Variants in GPC5 observed in about 807,000 individuals in gnomAD.
GPC5 encodes the protein glypican 5.
A neutral mutation model predicts 53.9 loss-of-function variants in GPC5; 47 were observed. The ratio of observed to expected loss-of-function variants is 0.87; its 90% CI spans 0.69 to 1.11. The LOEUF (loss-of-function observed/expected upper bound fraction) is 1.11. Among genes scored for constraint, GPC5 ranks in the 50% most tolerant of loss-of-function variants. GPC5 has a pLI of 0.00. For synonymous variants in GPC5, 286 were observed against 263.3 expected (o/e 1.09, Z -0.84); for missense variants, 748 against 713.1 (o/e 1.05, Z -0.56).
At chr13:92,623,146 A>T (rs868655589) in intron 7 of GPC5, among the ~76,000 whole-genome samples, 55 of 151,824 alleles carry the variant, frequency 3.6e-4, no homozygotes, top group African/African-American at 1.2e-3. Context: ...AGCCTGGGTG[A>T]CAGAGTGAGA....
intron 7 of GPC5, among the ~76,000 whole-genome samples, chr13:92,857,692 G>A (rs975664092): frequency 2.0e-5 from 3 of 151,798 alleles, no homozygotes; most frequent in Non-Finnish European, 4.4e-5. Context: ...AGAAAACACA[G>A]AAGCAACCAA....
chr13:92,552,981 A>T (rs1465915419), intron 7 of GPC5, among the ~76,000 whole-genome samples: 4 of 151,882 alleles, frequency 2.6e-5, no homozygotes, highest in Non-Finnish European at 4.4e-5. Flanking sequence ...GGCTTTATTT[A>T]TGACTGTTTT....
chr13:92,428,683 G>T (rs539537356), intron 7 of GPC5, among the ~76,000 whole-genome samples: 21 of 152,130 alleles, frequency 1.4e-4, no homozygotes, highest in African/African-American at 4.3e-4. Context: ...GTGCCCAAAG[G>T]TTTGTGATTT....
chr13:91,414,008 C>T (rs937369551), intron 1 of GPC5, among the ~76,000 whole-genome samples: 8 of 152,266 alleles, frequency 5.3e-5, no homozygotes, highest in South Asian at 2.1e-4. Flanking sequence ...GTCATGATAG[C>T]GTATTGGTTT....
At chr13:91,955,884 T>G (rs182721175) in intron 6 of GPC5, among the ~76,000 whole-genome samples, 1 of 152,318 alleles carries the variant, frequency 6.6e-6, no homozygotes, top group East Asian at 1.9e-4. Context: ...CAGTTGCAGC[T>G]GGTTACTACC....
chr13:91,835,664 C>T (rs1395148623), intron 5 of GPC5, among the ~76,000 whole-genome samples: 2 of 150,918 alleles, frequency 1.3e-5, no homozygotes, highest in Admixed American at 6.6e-5. Context: ...TGTTCTCACT[C>T]ATAAGTGGGA....
intron 7 of GPC5, among the ~76,000 whole-genome samples, chr13:92,242,719 G>A (rs2139117946): frequency 1.3e-5 from 2 of 152,160 alleles, no homozygotes; most frequent in East Asian, 3.9e-4. Context: ...TCATGCGTAG[G>A]AGACAAAGCC....
chr13:92,098,281 T>C (rs118141955), intron 6 of GPC5, among the ~76,000 whole-genome samples: 6,396 of 152,240 alleles, frequency 0.042, 154 homozygotes, highest in Middle Eastern at 0.058. Flanking sequence ...TGTTACTGCG[T>C]TAGTTTGTTA....
chr13:91,431,242 GAC>G (rs1879424021), intron 1 of GPC5, among the ~76,000 whole-genome samples: 1 of 152,024 alleles, frequency 6.6e-6, no homozygotes, highest in African/African-American at 2.4e-5. Context: ...ATTGAGATGG[GAC>G]AGTTTTGAGT....
At chr13:91,909,927 T>G (rs1427118736) in intron 6 of GPC5, among the ~76,000 whole-genome samples, 1 of 152,134 alleles carries the variant, frequency 6.6e-6, no homozygotes, top group Non-Finnish European at 1.5e-5. Flanking sequence ...TTAGCTTCTG[T>G]GTGAACTCGA....
intron 7 of GPC5, among the ~76,000 whole-genome samples, chr13:92,797,816 G>GGATGATAGATA (rs1204396450): frequency 6.6e-5 from 9 of 136,358 alleles, no homozygotes; most frequent in Admixed American, 4.9e-4. Context: ...GATATTCAAG[G>GGATGATAGATA]GATGATAGAT....
At chr13:92,579,259 C>G (rs1469590584) in intron 7 of GPC5, among the ~76,000 whole-genome samples, 2 of 39,642 alleles carry the variant, frequency 5.0e-5, no homozygotes, top group African/African-American at 3.0e-4. Flanking sequence ...CCCTCCCTCC[C>G]TCCCTCCCTC....
intron 2 of GPC5, among the ~76,000 whole-genome samples, chr13:91,476,105 C>G (rs906782687): frequency 1.3e-5 from 2 of 152,144 alleles, no homozygotes; most frequent in African/African-American, 4.8e-5. Flanking sequence ...ACACTGGGAC[C>G]AGGTAATTAT....
At chr13:92,816,241 A>G (rs893048617) in intron 7 of GPC5, among the ~76,000 whole-genome samples, 1 of 152,072 alleles carries the variant, frequency 6.6e-6, no homozygotes, top group African/African-American at 2.4e-5. Flanking sequence ...AAGTAAAGTG[A>G]CAATTAGAAG....
chr13:92,432,517 G>A (rs1478490357), intron 7 of GPC5, among the ~76,000 whole-genome samples: 1 of 150,586 alleles, frequency 6.6e-6, no homozygotes, highest in African/African-American at 2.4e-5. Flanking sequence ...GATCATCACA[G>A]GCACCCACCA....
intron 7 of GPC5, among the ~76,000 whole-genome samples, chr13:92,696,301 A>C (rs1180528627): frequency 6.6e-6 from 1 of 150,576 alleles, no homozygotes; most frequent in Non-Finnish European, 1.5e-5. Flanking sequence ...GCAATAATTT[A>C]CACTCCCACT....
intron 7 of GPC5, among the ~76,000 whole-genome samples, chr13:92,575,131 T>C (rs1325174989): frequency 6.6e-6 from 1 of 152,180 alleles, no homozygotes; most frequent in East Asian, 1.9e-4. Context: ...CTCTGTTCTC[T>C]TTTATTCTTA....
At chr13:92,736,670 T>G (rs1888943196) in intron 7 of GPC5, among the ~76,000 whole-genome samples, 1 of 151,910 alleles carries the variant, frequency 6.6e-6, no homozygotes, top group Admixed American at 6.6e-5. Context: ...TCCACTGAAT[T>G]TATCTGTTTA....
intron 7 of GPC5, among the ~76,000 whole-genome samples, chr13:92,315,530 CAGTT>C (rs2043173372): frequency 6.6e-6 from 1 of 152,152 alleles, no homozygotes; most frequent in Non-Finnish European, 1.5e-5. Context: ...TTTCCGAAGT[CAGTT>C]GGTTGTGTTT....
Sources: gnomAD v4.1 joint callset for allele counts (sites outside exome capture counted in the v4.1 genomes callset) on GRCh38, gnomAD v4.1.1 for gene constraint, MANE v1.5 for transcripts, NCBI Gene and HGNC (gene_info 2026-07-23, HGNC 2026-07-21) for gene names.